ATP13A4: variants seen among roughly 807,000 people sequenced by gnomAD.
ATP13A4 encodes ATPase 13A4, also known as probable cation-transporting ATPase 13A4.
Under a neutral mutation model 142.5 loss-of-function variants are expected in ATP13A4, and 114 were observed. The ratio of observed to expected loss-of-function variants is 0.80; its 90% CI spans 0.69 to 0.93. The LOEUF (loss-of-function observed/expected upper bound fraction) is 0.93. Among genes scored for constraint, ATP13A4 ranks in the 40% least tolerant of loss-of-function variants. ATP13A4 has a pLI of 0.00. For synonymous variants in ATP13A4, 488 were observed against 514.8 expected (o/e 0.95, Z 0.70); for missense variants, 1,392 against 1,454.0 (o/e 0.96, Z 0.69).
At chr3:193,419,329 G>GT (rs1262161720) in intron 25 of ATP13A4, among the ~76,000 whole-genome samples, 1 of 150,150 alleles carries the variant, frequency 6.7e-6, no homozygotes, top group Non-Finnish European at 1.5e-5. Flanking sequence ...AGATGACGCT[G>GT]TGCACTGCCT....
At chr3:193,507,572 G>A (rs1035125562) in intron 2 of ATP13A4, among the ~76,000 whole-genome samples, 6 of 152,240 alleles carry the variant, frequency 3.9e-5, no homozygotes, top group Non-Finnish European at 7.4e-5. Flanking sequence ...TATTAACAAA[G>A]CAAAGGCTAT....
chr3:193,573,260 CATAT>C (rs373692119), intron 2 of ATP13A4, among the ~76,000 whole-genome samples: 1 of 79,012 alleles, frequency 1.3e-5, no homozygotes, highest in African/African-American at 6.0e-5. Context: ...ATACCACAGC[CATAT>C]ATATATATAT....
At chr3:193,533,795 G>T (rs1722450431) in intron 1 of ATP13A4, among the ~76,000 whole-genome samples, 1 of 152,108 alleles carries the variant, frequency 6.6e-6, no homozygotes, top group Non-Finnish European at 1.5e-5. Flanking sequence ...CTCCCTGCAA[G>T]GATAGTGTTA....
intron 25 of ATP13A4, among the ~76,000 whole-genome samples, chr3:193,420,393 A>G (rs1350872896): frequency 1.3e-5 from 2 of 150,370 alleles, no homozygotes; most frequent in Non-Finnish European, 2.9e-5. Context: ...CACTGTGTAA[A>G]GTTTGGAAGA....
At chr3:193,528,236 C>G (rs1383534341) in intron 1 of ATP13A4, among the ~76,000 whole-genome samples, 2 of 152,214 alleles carry the variant, frequency 1.3e-5, no homozygotes, top group Non-Finnish European at 2.9e-5. Context: ...TGGGAGCTAG[C>G]CTGCCACCCT....
intron 1 of ATP13A4, among the ~76,000 whole-genome samples, chr3:193,521,688 T>G (rs1043037966): frequency 2.0e-5 from 3 of 152,048 alleles, no homozygotes; most frequent in African/African-American, 7.2e-5. Flanking sequence ...ATCCCAGCAT[T>G]TTGGGAGGCC....
chr3:193,432,612 C>T (rs1287545183), intron 25 of ATP13A4, among the ~76,000 whole-genome samples: 1 of 151,944 alleles, frequency 6.6e-6, no homozygotes. Flanking sequence ...ACCTTAAATG[C>T]ATATTACTAA....
At chr3:193,537,524 T>A (rs948432812) in intron 1 of ATP13A4, among the ~76,000 whole-genome samples, 1 of 152,196 alleles carries the variant, frequency 6.6e-6, no homozygotes, top group Non-Finnish European at 1.5e-5. Context: ...AAAGAGTTCC[T>A]AGACTTGAAA....
upstream of ATP13A4, among the ~76,000 whole-genome samples, chr3:193,558,747 G>T (rs1016494290): frequency 6.6e-6 from 1 of 152,132 alleles, no homozygotes; most frequent in Non-Finnish European, 1.5e-5. Context: ...CATTCTGGGG[G>T]CTACAAATTA....
At chr3:193,471,095 T>A (rs76685500) in intron 8 of ATP13A4, 102 bp from the exon 9 acceptor site, 3 of 1,017,282 alleles carry the variant, frequency 2.9e-6, no homozygotes, top group Non-Finnish European at 2.8e-6. Flanking sequence ...AACCAAGACA[T>A]TTTTTTTTTA....
At chr3:193,517,072 A>C (rs1212577379) in intron 1 of ATP13A4, among the ~76,000 whole-genome samples, 1 of 152,208 alleles carries the variant, frequency 6.6e-6, no homozygotes, top group Non-Finnish European at 1.5e-5. Flanking sequence ...CAAGCCACAA[A>C]GCTCATAACT....
At chr3:193,432,234 G>C (rs1716023523) in intron 25 of ATP13A4, among the ~76,000 whole-genome samples, 1 of 151,892 alleles carries the variant, frequency 6.6e-6, no homozygotes, top group South Asian at 2.1e-4. Flanking sequence ...TATTAGAATG[G>C]CCAAAATCCA....
chr3:193,555,064 G>C, upstream of ATP13A4: 1 of 747,602 alleles, frequency 1.3e-6, no homozygotes. Context: ...TGTCTCAAAG[G>C]AGGCTGCTCC....
In ATP13A4 at chr3:193,414,871, A is replaced by G. The variant is rs1392890199; in HGVS notation, c.2843-121T>C. The G allele has an allele frequency of 5.5e-6, 5 of 915,610 alleles. No homozygotes were observed. The African/African-American group carries it at 8.3e-5, about 15-fold the overall frequency. The allele number at this position is 915,610 out of a possible 1,614,324, so 56.7% of individuals were successfully genotyped here. On this transcript the variant is annotated intron_variant, in intron 25 of 29. Transcript: ENST00000342695. ...AAATGGACAAACTGGAGTACATCACAAACTGAGGGAATAAAACAATTAATG... is the reference window on the plus strand; with the variant it reads ...AAATGGACAAACTGGAGTACATCACGAACTGAGGGAATAAAACAATTAATG...
intron 8 of ATP13A4, among the ~76,000 whole-genome samples, chr3:193,480,152 T>TA (rs1470123988): frequency 6.6e-6 from 1 of 152,124 alleles, no homozygotes; most frequent in African/African-American, 2.4e-5. Context: ...CTTGATACCA[T>TA]AAAAATCCTA....
chr3:193,511,134 C>T (rs1577036878), intron 2 of ATP13A4, among the ~76,000 whole-genome samples: 1 of 152,068 alleles, frequency 6.6e-6, no homozygotes, highest in Non-Finnish European at 1.5e-5. Flanking sequence ...TAAAATGACA[C>T]ACAAGAGCAG....
intron 7 of ATP13A4, among the ~76,000 whole-genome samples, chr3:193,486,682 T>C (rs1719641408): frequency 6.6e-6 from 1 of 152,184 alleles, no homozygotes; most frequent in East Asian, 1.9e-4. Context: ...AAATAGGTTG[T>C]TGAAGCTATG....
At chr3:193,573,292 C>CGT (rs1553862256) in intron 2 of ATP13A4, among the ~76,000 whole-genome samples, 6,080 of 107,740 alleles carry the variant, frequency 0.056, 362 homozygotes, top group Non-Finnish European at 0.078. Context: ...TATATATACA[C>CGT]ATATATATAT....
At chr3:193,441,116 T>C (rs1716614619) in intron 20 of ATP13A4, among the ~76,000 whole-genome samples, 1 of 152,142 alleles carries the variant, frequency 6.6e-6, no homozygotes, top group Non-Finnish European at 1.5e-5. Context: ...TGGTGTTCCT[T>C]TATTCTTGGT....
Sources: gnomAD v4.1 joint callset for allele counts (sites outside exome capture counted in the v4.1 genomes callset) on GRCh38, gnomAD v4.1.1 for gene constraint, MANE v1.5 for transcripts, NCBI Gene and HGNC (gene_info 2026-07-23, HGNC 2026-07-21) for gene names.